The following MDGA2 variants were observed in gnomAD, a reference collection of about 807,000 sequenced individuals.
MDGA2 encodes the protein MAM domain-containing glycosylphosphatidylinositol anchor protein 2.
A neutral mutation model predicts 117.8 loss-of-function variants in MDGA2; 40 were observed. The ratio of observed to expected loss-of-function variants is 0.34; its 90% CI spans 0.26 to 0.44. The LOEUF (loss-of-function observed/expected upper bound fraction) is 0.44. MDGA2 is among the 20% of genes least tolerant of loss of function. The pLI, the probability that MDGA2 is intolerant of heterozygous loss-of-function variation, is 1.00. For missense variants in MDGA2, 1,123 were observed against 1,250.6 expected (o/e 0.90, Z 1.54); for synonymous variants, 452 against 439.0 (o/e 1.03, Z -0.37).
chr14:47,152,825 A>G (rs1883214467), intron 3 of MDGA2, among the ~76,000 whole-genome samples: 1 of 152,190 alleles, frequency 6.6e-6, no homozygotes, highest in Admixed American at 6.5e-5. Context: ...AATAAATCCT[A>G]AATTATGAAG....
chr14:46,979,373 T>C (rs1392795611), intron 8 of MDGA2, among the ~76,000 whole-genome samples: 1 of 152,112 alleles, frequency 6.6e-6, no homozygotes, highest in South Asian at 2.1e-4. Flanking sequence ...TACAATGGCC[T>C]TTAAGTGTTC....
At chr14:47,223,948 G>A (rs1351833872) in intron 2 of MDGA2, among the ~76,000 whole-genome samples, 2 of 152,016 alleles carry the variant, frequency 1.3e-5, no homozygotes, top group African/African-American at 2.4e-5. Flanking sequence ...GATCTTATGA[G>A]GATTCACTAT....
At chr14:47,113,412 T>C (rs1394968908) in intron 5 of MDGA2, among the ~76,000 whole-genome samples, 3 of 152,082 alleles carry the variant, frequency 2.0e-5, no homozygotes, top group African/African-American at 7.2e-5. Context: ...ACTCACTTTA[T>C]GAGGCCAGCA....
intron 2 of MDGA2, among the ~76,000 whole-genome samples, chr14:47,287,276 T>G (rs1888719842): frequency 6.6e-6 from 1 of 152,146 alleles, no homozygotes; most frequent in African/African-American, 2.4e-5. Context: ...AGGTGTTTAC[T>G]TAGTTAGCAA....
chr14:47,068,274 T>G (rs937722125), intron 6 of MDGA2, among the ~76,000 whole-genome samples: 13 of 151,982 alleles, frequency 8.6e-5, no homozygotes, highest in African/African-American at 3.1e-4. Flanking sequence ...AGAAAGGACG[T>G]TTTAGGCAGG....
intron 8 of MDGA2, among the ~76,000 whole-genome samples, chr14:47,017,203 T>A (rs1433692605): frequency 1.3e-5 from 2 of 151,116 alleles, no homozygotes; most frequent in East Asian, 3.9e-4. Context: ...TTGCTGTCCA[T>A]AGAGACAGGT....
At chr14:47,354,737 T>C (rs902297390) in intron 1 of MDGA2, among the ~76,000 whole-genome samples, 2 of 152,188 alleles carry the variant, frequency 1.3e-5, no homozygotes, top group African/African-American at 4.8e-5. Flanking sequence ...ACCCAAGCGA[T>C]CAAACAAACC....
At chr14:47,346,376 T>G (rs1225666018) in intron 1 of MDGA2, among the ~76,000 whole-genome samples, 2 of 152,198 alleles carry the variant, frequency 1.3e-5, no homozygotes, top group African/African-American at 2.4e-5. Context: ...CATATAATCT[T>G]GTGTCTGATT....
chr14:47,278,251 G>C (rs1888367754), intron 2 of MDGA2, among the ~76,000 whole-genome samples: 1 of 151,930 alleles, frequency 6.6e-6, no homozygotes, highest in Non-Finnish European at 1.5e-5. Context: ...TAGTAAAAAG[G>C]TTACTCTTGG....
chr14:46,882,506 G>A (rs899523263), intron 10 of MDGA2, among the ~76,000 whole-genome samples: 6 of 150,044 alleles, frequency 4.0e-5, no homozygotes, highest in South Asian at 2.1e-4. Context: ...TCTTGAAGTC[G>A]GGAGAGATCA....
At chr14:47,307,375 T>A (rs552647969) in intron 1 of MDGA2, among the ~76,000 whole-genome samples, 212 of 152,212 alleles carry the variant, frequency 1.4e-3, no homozygotes, top group African/African-American at 4.8e-3. Flanking sequence ...ACATTACATG[T>A]TTTATTATCA....
chr14:47,241,867 T>C (rs1285980556), intron 2 of MDGA2, among the ~76,000 whole-genome samples: 1 of 151,882 alleles, frequency 6.6e-6, no homozygotes, highest in Non-Finnish European at 1.5e-5. Context: ...TAAATTGAAA[T>C]CCCTTCTTTA....
intron 7 of MDGA2, among the ~76,000 whole-genome samples, chr14:47,036,539 T>C (rs1888863457): frequency 6.6e-6 from 1 of 152,160 alleles, no homozygotes; most frequent in South Asian, 2.1e-4. Context: ...ATTTGTGCAG[T>C]AGAACATCTA....
At position 47,128,987 on chromosome 14, in the gene MDGA2, C is replaced by A. The variant is rs142729265; in HGVS notation, c.925+2727G>T. On this transcript the variant is annotated intron_variant, in intron 5 of 16. Transcript: ENST00000399232. ...TACAGGAGTGAGCCACCGTGCCCAG[C>A]CTCCATCAACTATTTCTTATGATTA... is the stretch of plus-strand genomic sequence containing the variant. Among the ~76,000 whole-genome samples the A allele has an allele frequency of 8.7e-4, 132 of 152,166 alleles. 1 individual carries two copies. The highest frequency in any genetic ancestry group is 8.1e-3 in the East Asian group (42 of 5,174).
At chr14:47,135,225 A>G (rs1594657300) in intron 4 of MDGA2, among the ~76,000 whole-genome samples, 1 of 152,102 alleles carries the variant, frequency 6.6e-6, no homozygotes, top group Non-Finnish European at 1.5e-5. Flanking sequence ...AATTACAGAT[A>G]TAATAATTTA....
At chr14:46,864,548 T>TTTTTTTTTTTG (rs1881654481) in intron 14 of MDGA2, among the ~76,000 whole-genome samples, 1 of 34,224 alleles carries the variant, frequency 2.9e-5, no homozygotes, top group Non-Finnish European at 5.2e-5. Flanking sequence ...TATTGCTGTT[T>TTTTTTTTTTTG]TTTTTTTTTT....
intron 14 of MDGA2, among the ~76,000 whole-genome samples, chr14:46,857,602 T>C (rs908528493): frequency 3.3e-5 from 5 of 152,206 alleles, no homozygotes; most frequent in Non-Finnish European, 7.4e-5. Context: ...AGGGTTATGC[T>C]GAGTTTCTTC....
chr14:47,166,812 T>C lies in MDGA2; in HGVS notation c.596-22538A>G, dbSNP rs186442634. Among the ~76,000 whole-genome samples, 242 of 152,326 alleles carry C rather than the reference T, an allele frequency of 1.6e-3. 1 individual carries two copies. Among genetic ancestry groups the C allele is most frequent in the African/African-American group, 5.4e-3 (226 of 41,578 alleles). On this transcript the variant is annotated intron_variant, in intron 3 of 16. Coordinates refer to ENST00000399232, the MANE Select transcript of MDGA2 (RefSeq NM_001113498.3). ...ACACACGACTCCAGTTGTAGCCTGA[T>C]AGTACTAAGAGCATAACCAACTTTG...
rs368815583 is a variant in MDGA2 at position 47,550,571 on chromosome 14, T to A, written c.280+123946A>T. 3.3e-5 allele frequency among the ~76,000 whole-genome samples: 5 copies of A among 152,200 alleles called. No individual in the cohort carries two copies. In the East Asian group the frequency reaches 9.6e-4, roughly 29 times the overall value. On this transcript the variant is annotated intron_variant, in intron 1 of 16. Coordinates refer to ENST00000399232, the MANE Select transcript of MDGA2 (RefSeq NM_001113498.3). ...CCTATCAGTAGAGTAGATGATTTGGTGAAGAAAATCACAGAAATTCTTAGA... is the reference window on the plus strand; with the variant it reads ...CCTATCAGTAGAGTAGATGATTTGGAGAAGAAAATCACAGAAATTCTTAGA...
Sources: gnomAD v4.1 joint callset for allele counts (sites outside exome capture counted in the v4.1 genomes callset) on GRCh38, gnomAD v4.1.1 for gene constraint, MANE v1.5 for transcripts, NCBI Gene and HGNC (gene_info 2026-07-23, HGNC 2026-07-21) for gene names.